ADGRG7: variants seen among roughly 807,000 people sequenced by gnomAD.
The protein encoded by ADGRG7 is adhesion G protein-coupled receptor G7.
A neutral mutation model predicts 88.6 loss-of-function variants in ADGRG7; 82 were observed. That is an observed-to-expected ratio of 0.93 (90% CI 0.77 to 1.11). ADGRG7 has a LOEUF of 1.11. ADGRG7 is among the 50% of genes most tolerant of loss of function. The probability of loss-of-function intolerance (pLI) is 0.00; values close to 1 mark genes in which losing one functional copy is unlikely to be tolerated. For missense variants in ADGRG7, 945 were observed against 953.4 expected, an observed-to-expected ratio of 0.99 and a Z score of 0.12; for synonymous variants, 381 against 345.2, an observed-to-expected ratio of 1.10 and a Z score of -1.15.
chr3:100,673,013 A>ATT (rs1466518524), intron 15 of ADGRG7, among the ~76,000 whole-genome samples: 1 of 151,820 alleles, frequency 6.6e-6, no homozygotes, highest in African/African-American at 2.4e-5. Flanking sequence ...CTGGCCTGAA[A>ATT]TTTTTTTTGT....
intron 15 of ADGRG7, among the ~76,000 whole-genome samples, chr3:100,687,035 T>G (rs2094983988): frequency 6.6e-6 from 1 of 152,230 alleles, no homozygotes. Context: ...TTCCATTTGT[T>G]TGTATCCTCT....
At chr3:100,637,249 A>G (rs1438479277) in intron 5 of ADGRG7, 53 bp from the exon 6 acceptor site, 11 of 1,115,528 alleles carry the variant, frequency 9.9e-6, no homozygotes, top group Non-Finnish European at 1.5e-5. Flanking sequence ...AATGATGGTG[A>G]TGATAATGTA....
At chr3:100,659,882 T>G (rs760610734) in intron 14 of ADGRG7, 39 bp downstream of exon 14, 1 of 1,599,936 alleles carries the variant, frequency 6.3e-7, no homozygotes, top group African/African-American at 1.3e-5. Context: ...CAGGCAAGGC[T>G]CATCCAGCAC....
In ADGRG7 at chr3:100,671,999, A is replaced by C. The variant is rs1047184176; in HGVS notation, c.2136+2894A>C. On this transcript the variant is annotated intron_variant, in intron 15 of 15. Transcript: ENST00000273352. ...TGAAGTCAGGTAGCGTGATGCCTCC[A>C]GCTTTGTTCTTTTTGCTTAGGATTG... 3.9e-5 allele frequency among the ~76,000 whole-genome samples: 6 copies of C among 152,192 alleles called. No homozygotes were observed. The East Asian group carries it at 1.2e-3, about 29-fold the overall frequency.
rs1435333857 is a variant in ADGRG7, at chr3:100,645,979, A to G, written c.981A>G (p.Gln327=). 1 of 1,613,856 alleles carries G rather than the reference A, an allele frequency of 6.2e-7. No individual in the cohort carries two copies. The highest frequency in any genetic ancestry group is 8.5e-7 in the Non-Finnish European group (1 of 1,179,912). ...AGACATGCGGCTTTGTAGTTTATCAAAATGACAAGCTTTTCCAATCAAAAA... is the reference window on the plus strand; with the variant it reads ...AGACATGCGGCTTTGTAGTTTATCAGAATGACAAGCTTTTCCAATCAAAAA... The part of the protein sequence containing the change: ...YTKTCGFVVY[Q]NDKLFQSKTF... Residue 327 remains glutamine (Q), a synonymous_variant, in exon 9 of 16, where the codon CAA becomes CAG. Transcript: ENST00000273352.
chr3:100,671,608 T>C (rs1380506226), intron 15 of ADGRG7, among the ~76,000 whole-genome samples: 2 of 152,232 alleles, frequency 1.3e-5, no homozygotes, highest in East Asian at 3.8e-4. Context: ...GCTTTTGGTG[T>C]TTTAGTCATG....
intron 5 of ADGRG7, 127 bp from the exon 6 acceptor site, chr3:100,637,173 TAA>T (rs1040556239): frequency 1.6e-6 from 1 of 629,022 alleles, no homozygotes; most frequent in African/African-American, 1.9e-5. Flanking sequence ...TTTAATTTTG[TAA>T]AATGCTTCCC....
chr3:100,682,218 C>G (rs1306980311), intron 15 of ADGRG7, among the ~76,000 whole-genome samples: 1 of 152,120 alleles, frequency 6.6e-6, no homozygotes, highest in African/African-American at 2.4e-5. Context: ...CGGACCCAGC[C>G]GCTCACCGGA....
At chr3:100,648,340 GA>G (rs5851217) in intron 10 of ADGRG7, among the ~76,000 whole-genome samples, 136,324 of 152,042 alleles carry the variant, frequency 0.9, 63,024 homozygotes, top group East Asian at 1. Flanking sequence ...GGCTCTGAGT[GA>G]AAAATATTAT....
At chr3:100,678,290 T>A (rs2094968332) in intron 15 of ADGRG7, among the ~76,000 whole-genome samples, 1 of 152,076 alleles carries the variant, frequency 6.6e-6, no homozygotes, top group Non-Finnish European at 1.5e-5. Flanking sequence ...ATTATTTCAA[T>A]CTGTTTGTTA....
chr3:100,651,865 T>A (rs1436032160), intron 11 of ADGRG7, among the ~76,000 whole-genome samples: 1 of 152,198 alleles, frequency 6.6e-6, no homozygotes, highest in Non-Finnish European at 1.5e-5. Context: ...AGCTTTAAGA[T>A]GTTGCAAAAG....
intron 10 of ADGRG7, among the ~76,000 whole-genome samples, chr3:100,649,411 A>C (rs2094925078): frequency 6.6e-6 from 1 of 152,228 alleles, no homozygotes. Flanking sequence ...GGCATCTGCA[A>C]GTTGTTCTGA....
In ADGRG7 at chr3:100,626,776, C is replaced by T. The variant is rs771406847; in HGVS notation, c.116-2822C>T. On this transcript the variant is annotated intron_variant, in intron 1 of 15. Transcript: ENST00000273352. ...CTCCAGCCTAGGCAACAGAGCAAGACTCCGTCAAAAGAAAAAAAAATTATC... is the reference window on the plus strand; with the variant it reads ...CTCCAGCCTAGGCAACAGAGCAAGATTCCGTCAAAAGAAAAAAAAATTATC... 3.7e-4 allele frequency among the ~76,000 whole-genome samples: 57 copies of T among 152,146 alleles called. 1 individual carries two copies. Among genetic ancestry groups the T allele is most frequent in the Admixed American group, 1.0e-3 (16 of 15,268 alleles).
rs79517280 is a variant in ADGRG7, at chr3:100,694,910, C to A, written c.2303C>A (p.Thr768Asn). ...TATAATTTCCTCAGGTCATTGCCAA[C>A]CTTACATGAACGCTTTAGGCTACTG... The part of the protein sequence containing the change: ...KMYNFLRSLP[T>N]LHERFRLLET... Residue 768 changes from threonine to asparagine, a missense_variant, in exon 16 of 16, where the codon ACC becomes AAC. By Grantham distance (65) the Thr-to-Asn change is moderately conservative. Transcript: ENST00000273352. 4.7e-4 allele frequency: 759 copies of A among 1,614,124 alleles called. 7 individuals carry two copies. In the African/African-American group the frequency reaches 8.6e-3, roughly 18 times the overall value.
At chr3:100,617,165 GAA>G (rs1048544410) in intron 1 of ADGRG7, among the ~76,000 whole-genome samples, 2 of 151,952 alleles carry the variant, frequency 1.3e-5, no homozygotes, top group Non-Finnish European at 2.9e-5. Context: ...GATGTTTATA[GAA>G]AAAAGAGTCC....
chr3:100,668,823 A>T, intron 14 of ADGRG7, 126 bp from the exon 15 acceptor site: 1 of 564,352 alleles, frequency 1.8e-6, no homozygotes, highest in East Asian at 3.3e-5. Flanking sequence ...CACCTGGGGC[A>T]TAATATTGTT....
In ADGRG7 at chr3:100,609,849, G is replaced by A; in HGVS notation, c.-8G>A. Reference sequence around the variant, plus strand: ...CACCCAGGAGTGGATTTGTGGTTTGGCTTCACCATGGCTTCCTGCCGTGCC... The same window carrying A: ...CACCCAGGAGTGGATTTGTGGTTTGACTTCACCATGGCTTCCTGCCGTGCC... On this transcript the variant is annotated 5_prime_UTR_variant, in exon 1 of 16. Transcript: ENST00000273352. 2.5e-6 allele frequency: 4 copies of A among 1,610,278 alleles called. No individual in the cohort carries two copies. Among genetic ancestry groups the A allele is most frequent in the Non-Finnish European group, 3.4e-6 (4 of 1,176,662 alleles).
At chr3:100,683,536 A>C (rs578039667) in intron 15 of ADGRG7, among the ~76,000 whole-genome samples, 62 of 152,272 alleles carry the variant, frequency 4.1e-4, no homozygotes, top group Non-Finnish European at 7.8e-4. Context: ...TGCCTGCCCC[A>C]CCGCAGCTGG....
chr3:100,628,626 G>A (rs1707415846), intron 1 of ADGRG7, among the ~76,000 whole-genome samples: 1 of 152,166 alleles, frequency 6.6e-6, no homozygotes, highest in African/African-American at 2.4e-5. Flanking sequence ...AAAGTGTTGG[G>A]ATTAGAGGTG....
Sources: allele counts gnomAD v4.1 joint callset (sites outside exome capture counted in the v4.1 genomes callset), GRCh38; gene constraint gnomAD v4.1.1; transcripts MANE v1.5; gene names NCBI Gene and HGNC (gene_info 2026-07-23, HGNC 2026-07-21).